Variants in BRIP1 observed in about 807,000 individuals in gnomAD.
BRIP1 encodes BRCA1 interacting DNA helicase 1, also known as Fanconi anemia group J protein.
BRIP1 carries 88 observed loss-of-function variants against 119.7 expected under a neutral mutation model. The observed-to-expected ratio is 0.74, with a 90% CI of 0.62 to 0.88. BRIP1 has a LOEUF of 0.88. Ranked by LOEUF, BRIP1 falls within the 40% of genes least tolerant of loss-of-function variation. BRIP1 has a pLI of 0.00. For synonymous variants in BRIP1, 443 were observed against 496.5 expected (o/e 0.89, Z 1.43); for missense variants, 1,259 against 1,455.4 (o/e 0.87, Z 2.20).
At chr17:61,840,818 G>A (rs2078647952) in intron 6 of BRIP1, among the ~76,000 whole-genome samples, 1 of 152,044 alleles carries the variant, frequency 6.6e-6, no homozygotes, top group African/African-American at 2.4e-5. Flanking sequence ...ACCACGCTAT[G>A]TACTACACAA....
chr17:61,815,372 G>C lies in BRIP1; in HGVS notation c.628-6615C>G, dbSNP rs532668311. On this transcript the variant is annotated intron_variant, in intron 6 of 19. Transcript: ENST00000259008. The surrounding 1 kb of genome is among the most constrained non-coding windows in gnomAD (Gnocchi z 4.1). Reference sequence around the variant, plus strand: ...GCTCAAAGCAGATTGTGACTGATTTGGGTTAGGGCTTTATTCCAGAATTTA... The same window carrying C: ...GCTCAAAGCAGATTGTGACTGATTTCGGTTAGGGCTTTATTCCAGAATTTA... 2.6e-5 allele frequency among the ~76,000 whole-genome samples: 4 copies of C among 152,198 alleles called. No homozygotes were observed. In the East Asian group the frequency reaches 5.8e-4, roughly 22 times the overall value.
chr17:61,767,162 G>C lies in BRIP1; in HGVS notation c.2097+9239C>G, dbSNP rs1267651943. Among the ~76,000 whole-genome samples, 2 of 152,234 alleles carry C rather than the reference G, an allele frequency of 1.3e-5. No individual in the cohort carries two copies. Among genetic ancestry groups the C allele is most frequent in the Admixed American group, 6.5e-5 (1 of 15,286 alleles). On this transcript the variant is annotated intron_variant, in intron 14 of 19. Coordinates refer to ENST00000259008, the MANE Select transcript of BRIP1 (RefSeq NM_032043.3). This position sits in a 1 kb window ranked among gnomAD's most constrained non-coding sequence, Gnocchi z 5.7. ...GAATATTAGTTTTTACTCAGTGAAAGAGTAAAGTTTTGAGTAAATCACCCA... is the reference window on the plus strand; with the variant it reads ...GAATATTAGTTTTTACTCAGTGAAACAGTAAAGTTTTGAGTAAATCACCCA...
rs775580746 is a variant in BRIP1, at chr17:61,769,669, TAAAC to T, written c.2097+6728_2097+6731del. On this transcript the variant is annotated intron_variant, in intron 14 of 19. Coordinates refer to ENST00000259008, the MANE Select transcript of BRIP1 (RefSeq NM_032043.3). The surrounding 1 kb of genome is among the most constrained non-coding windows in gnomAD (Gnocchi z 4.9). Reference sequence around the variant, plus strand: ...CACCTGTTTTACAACAGAAAAAAGTTAAACAAACTAAAAATCAATTACTTTTCTG... The same window carrying T: ...CACCTGTTTTACAACAGAAAAAAGTTAAACTAAAAATCAATTACTTTTCTG... 3.9e-5 allele frequency among the ~76,000 whole-genome samples: 6 copies of T among 152,128 alleles called. No homozygotes were observed. The highest frequency in any genetic ancestry group is 7.4e-5 in the Non-Finnish European group (5 of 68,014).
In BRIP1 at chr17:61,725,285, G is replaced by A. The variant is rs940859043; in HGVS notation, c.2380-9222C>T. ...AGTTGTTACTTACTTTCCCTGTTAC[G>A]TTACAACTTGACCACAATAATCTAT... On this transcript the variant is annotated intron_variant, in intron 16 of 19. Transcript: ENST00000259008. This position sits in a 1 kb window ranked among gnomAD's most constrained non-coding sequence, Gnocchi z 5.3. 7.9e-5 allele frequency among the ~76,000 whole-genome samples: 12 copies of A among 152,062 alleles called. No homozygotes were observed. The highest frequency in any genetic ancestry group is 2.1e-4 in the South Asian group (1 of 4,830).
In BRIP1 at chr17:61,743,213, A is replaced by G; in HGVS notation, c.2258-79T>C. ...TCATTTTGAAAATACCTGATTTATA[A>G]TTATAGTAATTACAGTAGCAAATTT... On this transcript the variant is annotated intron_variant, in intron 15 of 19. Transcript: ENST00000259008. The surrounding 1 kb of genome is among the most constrained non-coding windows in gnomAD (Gnocchi z 4.3). 2.0e-6 allele frequency: 3 copies of G among 1,487,842 alleles called. No homozygotes were observed. The highest frequency in any genetic ancestry group is 2.8e-6 in the Non-Finnish European group (3 of 1,073,802). 92.2% of individuals were successfully genotyped at this position (1,487,842 alleles called of 1,614,324 possible). A position where few individuals can be genotyped will look rare whatever the true frequency, so the allele number is the denominator to read the frequency against.
Position 61,846,998 on chromosome 17 carries a change from T to C in BRIP1, c.627+103A>G, listed in dbSNP as rs559979253. 5.2e-5 allele frequency: 74 copies of C among 1,431,934 alleles called. No individual in the cohort carries two copies. In the African/African-American group the frequency reaches 9.6e-4, roughly 18 times the overall value. The allele number at this position is 1,431,934 out of a possible 1,614,324, so 88.7% of individuals were successfully genotyped here. A position where few individuals can be genotyped will look rare whatever the true frequency, so the allele number is the denominator to read the frequency against. On this transcript the variant is annotated intron_variant, in intron 6 of 19. Transcript: ENST00000259008. This position sits in a 1 kb window ranked among gnomAD's most constrained non-coding sequence, Gnocchi z 4.3. The stretch of plus-strand genomic sequence containing the variant: ...CATTGAGGACTTCTGAGTGGGTTGC[T>C]ACTGTCCTTTGTATTATACTATTGT...
chr17:61,776,323 A>C lies in BRIP1; in HGVS notation c.2097+78T>G. On this transcript the variant is annotated intron_variant, in intron 14 of 19. Coordinates refer to ENST00000259008, the MANE Select transcript of BRIP1 (RefSeq NM_032043.3). This position sits in a 1 kb window ranked among gnomAD's most constrained non-coding sequence, Gnocchi z 5.0. ...TCTACCCTAGGAAGCTTACTGTGGT[A>C]ATTTTAAAATTAGCATGCCAATGTT... is the stretch of plus-strand genomic sequence containing the variant. The C allele has an allele frequency of 6.5e-7, 1 of 1,537,564 alleles. No homozygotes were observed. Among genetic ancestry groups the C allele is most frequent in the Non-Finnish European group, 9.0e-7 (1 of 1,111,872 alleles).
Position 61,742,911 on chromosome 17 carries a change from A to C in BRIP1, c.2379+102T>G. The C allele has an allele frequency of 6.9e-7, 1 of 1,444,612 alleles. No individual in the cohort carries two copies. The highest frequency in any genetic ancestry group is 9.7e-7 in the Non-Finnish European group (1 of 1,032,888). The allele number at this position is 1,444,612 out of a possible 1,614,324, so 89.5% of individuals were successfully genotyped here. ...ATAAACCTTCAATTTGTAAAAAAGC[A>C]CTATAAAAGCAAAGCGCAATAAAAT... On this transcript the variant is annotated intron_variant, in intron 16 of 19. Transcript: ENST00000259008. This position sits in a 1 kb window ranked among gnomAD's most constrained non-coding sequence, Gnocchi z 4.7.
Position 61,713,405 on chromosome 17 carries a change from A to G in BRIP1, c.2492+2546T>C, listed in dbSNP as rs1329690051. Reference sequence around the variant, plus strand: ...ATCACAGGAGATGACAGCTCCATGCATGTTATTTATTGGTCCTGAAGACCT... The same window carrying G: ...ATCACAGGAGATGACAGCTCCATGCGTGTTATTTATTGGTCCTGAAGACCT... On this transcript the variant is annotated intron_variant, in intron 17 of 19. Transcript: ENST00000259008. This position sits in a 1 kb window ranked among gnomAD's most constrained non-coding sequence, Gnocchi z 4.9. Among the ~76,000 whole-genome samples the G allele has an allele frequency of 6.6e-6, 1 of 152,076 alleles. No homozygotes were observed. The highest frequency in any genetic ancestry group is 1.5e-5 in the Non-Finnish European group (1 of 68,010).
intron 14 of BRIP1, among the ~76,000 whole-genome samples, chr17:61,772,186 TATATATATATATATATATATATAA>T (rs1254410765): frequency 2.8e-4 from 23 of 82,282 alleles, no homozygotes; most frequent in African/African-American, 6.5e-4. Context: ...TATATATATA[TATATATATATATATATATATATAA>T]AATGAAATAT....
At chr17:61,854,670 G>A (rs1429891969) in intron 4 of BRIP1, among the ~76,000 whole-genome samples, 1 of 138,604 alleles carries the variant, frequency 7.2e-6, no homozygotes. Flanking sequence ...TTGCGCCACT[G>A]CACTCCAGCC....
chr17:61,696,708 A>T (rs933904041), intron 17 of BRIP1, among the ~76,000 whole-genome samples: 1 of 149,260 alleles, frequency 6.7e-6, no homozygotes, highest in African/African-American at 2.5e-5. Context: ...AAAAAAGGCC[A>T]GGCGTGGTGG....
chr17:61,847,985 T>C (rs1452883103), intron 5 of BRIP1, among the ~76,000 whole-genome samples: 1 of 152,184 alleles, frequency 6.6e-6, no homozygotes, highest in Admixed American at 6.5e-5. Flanking sequence ...TCATTTGTCA[T>C]TGGTACTTTG....
At chr17:61,696,156 T>C (rs1022458162) in intron 17 of BRIP1, among the ~76,000 whole-genome samples, 27 of 152,024 alleles carry the variant, frequency 1.8e-4, no homozygotes, top group African/African-American at 5.3e-4. Flanking sequence ...CCCACTTTGT[T>C]GAGTATTTTC....
intron 6 of BRIP1, among the ~76,000 whole-genome samples, chr17:61,830,122 C>T (rs998822031): frequency 6.6e-6 from 1 of 151,124 alleles, no homozygotes; most frequent in African/African-American, 2.4e-5. Flanking sequence ...ATAATAGAGA[C>T]AGGGTTTTGC....
At position 61,822,055 on chromosome 17, in the gene BRIP1, A is replaced by T. The variant is rs867429980; in HGVS notation, c.628-13298T>A. On this transcript the variant is annotated intron_variant, in intron 6 of 19. Coordinates refer to ENST00000259008, the MANE Select transcript of BRIP1 (RefSeq NM_032043.3). The surrounding 1 kb of genome is among the most constrained non-coding windows in gnomAD (Gnocchi z 4.4). The stretch of plus-strand genomic sequence containing the variant: ...TAATAGCCACCAGTAAAAGAACTAA[A>T]TGACAGAAGACATAATAAAAACCTC... 3.3e-5 allele frequency among the ~76,000 whole-genome samples: 5 copies of T among 152,244 alleles called. No homozygotes were observed. The highest frequency in any genetic ancestry group is 1.2e-4 in the African/African-American group (5 of 41,470).
intron 10 of BRIP1, among the ~76,000 whole-genome samples, chr17:61,786,198 G>A (rs928543124): frequency 5.4e-5 from 8 of 147,618 alleles, no homozygotes; most frequent in South Asian, 2.1e-4. Context: ...ATGAGTGAGC[G>A]TGTGTGTGTG....
chr17:61,708,624 G>T lies in BRIP1; in HGVS notation c.2492+7327C>A, dbSNP rs2061728599. Among the ~76,000 whole-genome samples, 1 of 152,096 alleles carries T rather than the reference G, an allele frequency of 6.6e-6. No homozygotes were observed. The highest frequency in any genetic ancestry group is 2.1e-4 in the South Asian group (1 of 4,832). On this transcript the variant is annotated intron_variant, in intron 17 of 19. Transcript: ENST00000259008. The surrounding 1 kb of genome is among the most constrained non-coding windows in gnomAD (Gnocchi z 4.4). ...TGTTTTTGTTTGCTTTGTTGGACTT[G>T]TTTTGTTGTTGTTGTTTTGGTCTGT...
At chr17:61,784,147 T>C (rs887099781) in intron 11 of BRIP1, 123 bp downstream of exon 11, 1 of 821,106 alleles carries the variant, frequency 1.2e-6, no homozygotes, top group Non-Finnish European at 2.0e-6. Context: ...TATAATAATA[T>C]CTATAACACT....
Sources: allele counts gnomAD v4.1 joint callset (sites outside exome capture counted in the v4.1 genomes callset), GRCh38; gene constraint gnomAD v4.1.1; non-coding constraint Gnocchi (gnomAD v3.1); transcripts MANE v1.5; gene names NCBI Gene and HGNC (gene_info 2026-07-23, HGNC 2026-07-21).